Variants in S1PR5 observed in about 807,000 individuals in gnomAD.
The protein encoded by S1PR5 is sphingosine 1-phosphate receptor 5.
For synonymous variants in S1PR5, 307 were observed against 284.7 expected, an observed-to-expected ratio of 1.08 and a Z score of -0.79; for missense variants, 583 against 571.7, an observed-to-expected ratio of 1.02 and a Z score of -0.20.
rs1202697677 is a variant in S1PR5, at chr19:10,514,846, C to T, written c.166G>A (p.Ala56Thr). The T allele has an allele frequency of 1.2e-6, 2 of 1,612,844 alleles. No homozygotes were observed. Among genetic ancestry groups the T allele is most frequent in the Non-Finnish European group, 1.7e-6 (2 of 1,179,698 alleles). The change falls in exon 2 of 2, where the codon GCC becomes ACC. Residue 56 changes from alanine to threonine, a missense_variant. Ala to Thr is a moderately conservative substitution (Grantham distance 58). Coordinates refer to ENST00000333430, the MANE Select transcript of S1PR5 (RefSeq NM_030760.5). ...TGGCGTCCGAGCACCAACAACACGG[C>T]TAGATTCTCTAGCACGATGAAGGCG... ...VCAFIVLENL[A>T]VLLVLGRHPR...
rs1037285435 is a variant in S1PR5 at position 10,513,372 on chromosome 19, G to A, written c.*443C>T. 2.2e-5 allele frequency: 9 copies of A among 409,568 alleles called. No individual in the cohort carries two copies. Among genetic ancestry groups the A allele is most frequent in the Middle Eastern group, 1.2e-3 (2 of 1,616 alleles). The allele number at this position is 409,568 out of a possible 1,614,324, so 25.4% of individuals were successfully genotyped here. A position where few individuals can be genotyped will look rare whatever the true frequency, so the allele number is the denominator to read the frequency against. ...TTGTCTCCTCCCATTCTCCCCCTCCGTCCCTGCTCCAGGCACACCAGCATC... is the reference window on the plus strand; with the variant it reads ...TTGTCTCCTCCCATTCTCCCCCTCCATCCCTGCTCCAGGCACACCAGCATC... On this transcript the variant is annotated 3_prime_UTR_variant, in exon 2 of 2. Transcript: ENST00000333430.
upstream of S1PR5, chr19:10,517,532 G>T: frequency 1.0e-6 from 1 of 985,452 alleles, no homozygotes; most frequent in Non-Finnish European, 1.2e-6. Flanking sequence ...GTCGCCAGCA[G>T]TTGCCCCCTC....
chr19:10,517,811 A>C, upstream of S1PR5: 1 of 510,708 alleles, frequency 2.0e-6, no homozygotes, highest in Non-Finnish European at 2.5e-6. Flanking sequence ...GCGCCCTCCC[A>C]TTGCCCACCC....
At position 10,513,909 on chromosome 19, in the gene S1PR5, G is replaced by T. The variant is rs777401094; in HGVS notation, c.1103C>A (p.Pro368His). The change falls in exon 2 of 2, where the codon CCC becomes CAC. Residue 368 changes from proline (P) to histidine (H), a missense_variant. Coordinates refer to ENST00000333430, the MANE Select transcript of S1PR5 (RefSeq NM_030760.5). ...GCTGGTGTCCAGCCCGTCGCGCTGG[G>T]GCGATGAGCGCTCCGAGCCGCTGAA... Reference protein sequence around the residue: ...GSFSGSERSSPQRDGLDTSGS... With the variant: ...GSFSGSERSSHQRDGLDTSGS... The T allele has an allele frequency of 6.2e-7, 1 of 1,608,632 alleles. No homozygotes were observed. The highest frequency in any genetic ancestry group is 8.5e-7 in the Non-Finnish European group (1 of 1,178,506).
upstream of S1PR5, chr19:10,517,769 G>C (rs1915472710): frequency 1.1e-6 from 1 of 910,076 alleles, no homozygotes; most frequent in African/African-American, 1.8e-5. Flanking sequence ...CCCCAGCGGA[G>C]GGGTCTCCTC....
At chr19:10,517,367 C>T (rs905959773) in intron 1 of S1PR5, 31 bp downstream of exon 1, 1 of 985,556 alleles carries the variant, frequency 1.0e-6, no homozygotes, top group Non-Finnish European at 1.2e-6. Flanking sequence ...CCCAGCCCAG[C>T]GCCCCCAAAG....
Position 10,513,920 on chromosome 19 carries a change from C to T in S1PR5, c.1092G>A (p.Glu364=). The T allele has an allele frequency of 6.2e-7, 1 of 1,605,212 alleles. No individual in the cohort carries two copies. Among genetic ancestry groups the T allele is most frequent in the Non-Finnish European group, 8.5e-7 (1 of 1,177,204 alleles). ...PGLDGSFSGS[E]RSSPQRDGLD... ...GCCCGTCGCGCTGGGGCGATGAGCG[C>T]TCCGAGCCGCTGAAGCTCCCATCAA... Residue 364 remains glutamate, a synonymous_variant, in exon 2 of 2, where the codon GAG becomes GAA. Transcript: ENST00000333430.
intron 1 of S1PR5, among the ~76,000 whole-genome samples, chr19:10,515,346 G>A (rs1408386462): frequency 1.3e-5 from 2 of 152,134 alleles, no homozygotes; most frequent in Non-Finnish European, 2.9e-5. Flanking sequence ...CCCAGGCTCA[G>A]GCCTGAGGCA....
In S1PR5 at chr19:10,513,247, C is replaced by G. The variant is rs1343547621; in HGVS notation, c.*568G>C. 1 of 191,946 alleles carries G rather than the reference C, an allele frequency of 5.2e-6. No individual in the cohort carries two copies. The highest frequency in any genetic ancestry group is 1.1e-5 in the Non-Finnish European group (1 of 94,732). The allele number at this position is 191,946 out of a possible 1,614,324, so 11.9% of individuals were successfully genotyped here. On this transcript the variant is annotated 3_prime_UTR_variant, in exon 2 of 2. Transcript: ENST00000333430. ...ATCACCTGAATTAGGGCAAGTCCCTCTTCTGCTTAGAAGCTTCTATGGCTC... is the reference window on the plus strand; with the variant it reads ...ATCACCTGAATTAGGGCAAGTCCCTGTTCTGCTTAGAAGCTTCTATGGCTC...
chr19:10,514,785 C>T lies in S1PR5; in HGVS notation c.227G>A (p.Gly76Asp). The T allele has an allele frequency of 1.2e-6, 2 of 1,613,060 alleles. No individual in the cohort carries two copies. Among genetic ancestry groups the T allele is most frequent in the Non-Finnish European group, 1.7e-6 (2 of 1,179,742 alleles). ...RFHAPMFLLL[G>D]SLTLSDLLAG... ...CAGCAGATCCGACAACGTGAGGCTG[C>T]CCAGGAGCAGGAACATGGGAGCGTG... The change falls in exon 2 of 2, where the codon GGC becomes GAC. Residue 76 changes from glycine to aspartate, a missense_variant. Transcript: ENST00000333430.
rs752564891 is a variant in S1PR5, at chr19:10,513,992, G to T, written c.1020C>A (p.Ser340Arg). The T allele has an allele frequency of 2.5e-6, 4 of 1,601,576 alleles. No homozygotes were observed. Among genetic ancestry groups the T allele is most frequent in the Admixed American group, 1.7e-5 (1 of 58,366 alleles). The change falls in exon 2 of 2, where the codon AGC (serine) becomes AGA (arginine). Residue 340 changes from serine (S) to arginine (R), a missense_variant. Transcript: ENST00000333430. ...RDPSGSQQSA[S>R]AAEASGGLRR... ...GCAGGCCCCCGGAAGCCTCAGCCGC[G>T]CTCGCCGACTGCTGGGAGCCACTCG...
rs779834544 is a variant in S1PR5 at position 10,513,809 on chromosome 19, A to C, written c.*6T>G. The C allele has an allele frequency of 5.6e-6, 9 of 1,611,888 alleles. No individual in the cohort carries two copies. In the African/African-American group the frequency reaches 9.4e-5, roughly 17 times the overall value. ...AACTTGGGAAGACAGTCGTGGGCCG[A>C]GGGTGTCAGTCTGCAGCCGGTTCTG... On this transcript the variant is annotated 3_prime_UTR_variant, in exon 2 of 2. Coordinates refer to ENST00000333430, the MANE Select transcript of S1PR5 (RefSeq NM_030760.5).
chr19:10,513,817 A>C lies in S1PR5; in HGVS notation c.1195T>G (p.Ter399GlyextTer47), dbSNP rs370881736. The change falls in exon 2 of 2, where the codon TGA becomes GGA. Residue 399 changes from the stop codon to glycine (G), a stop_lost. Coordinates refer to ENST00000333430, the MANE Select transcript of S1PR5 (RefSeq NM_030760.5). ...AAGACAGTCGTGGGCCGAGGGTGTC[A>C]GTCTGCAGCCGGTTCTGATACCAGA... The part of the protein sequence containing the change: ...RTLVSEPAAD[*>G] The C allele has an allele frequency of 1.4e-5, 22 of 1,612,460 alleles. No individual in the cohort carries two copies. The African/African-American group carries it at 2.7e-4, about 20-fold the overall frequency.
At position 10,514,943 on chromosome 19, in the gene S1PR5, G is replaced by A. The variant is rs147145897; in HGVS notation, c.69C>T (p.Gly23=). The A allele has an allele frequency of 1.1e-4, 178 of 1,606,714 alleles. No homozygotes were observed. In the African/African-American group the frequency reaches 2.1e-3, roughly 19 times the overall value. ...GCTGGTAGCGCGCACCGCGGAGCTT[G>A]CCGGTGTAGTTGTAATGCAGGACGA... is the stretch of plus-strand genomic sequence containing the variant. ...EVIVLHYNYT[G]KLRGARYQPG... is the part of the protein sequence containing the mutation. The change falls in exon 2 of 2, where the codon GGC becomes GGT. Residue 23 remains glycine (G), a synonymous_variant. Transcript: ENST00000333430.
In S1PR5 at chr19:10,512,891, T is replaced by A. The variant is rs1915312761; in HGVS notation, c.*924A>T. The A allele has an allele frequency of 7.5e-6, 1 of 133,782 alleles. No individual in the cohort carries two copies. The allele number at this position is 133,782 out of a possible 1,614,324, so 8.3% of individuals were successfully genotyped here. A position where few individuals can be genotyped will look rare whatever the true frequency, so the allele number is the denominator to read the frequency against. On this transcript the variant is annotated 3_prime_UTR_variant, in exon 2 of 2. Coordinates refer to ENST00000333430, the MANE Select transcript of S1PR5 (RefSeq NM_030760.5). ...TGTGCCCATTGCACTCCAGCCTGGG[T>A]GACAGAGCACAAGATCCCAACTCAA... is the stretch of plus-strand genomic sequence containing the variant.
upstream of S1PR5, chr19:10,517,804 C>G: frequency 1.6e-6 from 1 of 607,068 alleles, no homozygotes; most frequent in Non-Finnish European, 2.1e-6. Context: ...GGGCACTGCG[C>G]CCTCCCATTG....
chr19:10,516,398 G>C (rs1028419922), intron 1 of S1PR5, among the ~76,000 whole-genome samples: 1 of 152,000 alleles, frequency 6.6e-6, no homozygotes, highest in Non-Finnish European at 1.5e-5. Context: ...TTGAGCCCAG[G>C]AGTTCGACAC....
Position 10,514,577 on chromosome 19 carries a change from G to C in S1PR5, c.435C>G (p.Val145=), listed in dbSNP as rs1484947744. The change falls in exon 2 of 2, where the codon GTC becomes GTG. Residue 145 remains valine (V), a synonymous_variant. Coordinates refer to ENST00000333430, the MANE Select transcript of S1PR5 (RefSeq NM_030760.5). ...LTMARRGPAP[V]SSRGRTLAMA... is the part of the protein sequence containing the mutation. ...TCGCCAGCGTGCGCCCCCGACTGGA[G>C]ACGGGCGCGGGCCCCCTGCGCGCCA... The C allele has an allele frequency of 1.3e-6, 2 of 1,576,878 alleles. No homozygotes were observed. The highest frequency in any genetic ancestry group is 2.3e-5 in the South Asian group (2 of 87,362).
At chr19:10,515,457 C>CA (rs1301263034) in intron 1 of S1PR5, among the ~76,000 whole-genome samples, 12 of 152,048 alleles carry the variant, frequency 7.9e-5, no homozygotes, top group Admixed American at 3.3e-4. Context: ...GCTAAAAACA[C>CA]AAAAAATTAG....
Sources: allele counts gnomAD v4.1 joint callset (sites outside exome capture counted in the v4.1 genomes callset), GRCh38; gene constraint gnomAD v4.1.1; transcripts MANE v1.5; gene names NCBI Gene and HGNC (gene_info 2026-07-23, HGNC 2026-07-21).